The following USP22 variants were observed in gnomAD, a reference collection of about 807,000 sequenced individuals.
USP22 encodes the protein ubiquitin specific peptidase 22.
In USP22, 22 loss-of-function variants were observed where a neutral mutation model predicts 68.1. That is an observed-to-expected ratio of 0.32 (90% CI 0.23 to 0.46). The LOEUF (loss-of-function observed/expected upper bound fraction) is 0.46, where lower values mean the gene tolerates loss of function less well. Ranked by LOEUF, USP22 falls within the 20% of genes least tolerant of loss-of-function variation. The pLI, the probability that USP22 is intolerant of heterozygous loss-of-function variation, is 1.00. For missense variants in USP22, 433 were observed against 695.8 expected, an observed-to-expected ratio of 0.62 and a Z score of 4.25; for synonymous variants, 279 against 274.2, an observed-to-expected ratio of 1.02 and a Z score of -0.17.
chr17:21,038,106 A>T, intron 1 of USP22, among the ~76,000 whole-genome samples: 1 of 152,248 alleles, frequency 6.6e-6, no homozygotes, highest in Non-Finnish European at 1.5e-5. Context: ...CCTCAAAGAA[A>T]CAAAGTTTTA....
intron 9 of USP22, among the ~76,000 whole-genome samples, chr17:21,007,501 GAA>G (rs1913816145): frequency 6.6e-6 from 1 of 152,178 alleles, no homozygotes; most frequent in African/African-American, 2.4e-5. Flanking sequence ...GGCCTTTAGA[GAA>G]AGAGCTTGCC....
At chr17:21,042,568 G>T in intron 1 of USP22, 97 bp downstream of exon 1, 1 of 1,186,832 alleles carries the variant, frequency 8.4e-7, no homozygotes, top group Non-Finnish European at 1.1e-6. Context: ...AAGGCAACGG[G>T]GGAAGGGAAG....
chr17:21,002,014 C>G lies in USP22; in HGVS notation c.*1017G>C, dbSNP rs1020865023. Reference sequence around the variant, plus strand: ...GCCACTCCAGCTTCGCGACCAACACCCTTGGCTGCCAGGCAGCGGTAGCCA... The same window carrying G: ...GCCACTCCAGCTTCGCGACCAACACGCTTGGCTGCCAGGCAGCGGTAGCCA... On this transcript the variant is annotated 3_prime_UTR_variant, in exon 13 of 13. Transcript: ENST00000261497. 6.6e-6 allele frequency: 1 copy of G among 152,278 alleles called. No homozygotes were observed. Among genetic ancestry groups the G allele is most frequent in the African/African-American group, 2.4e-5 (1 of 41,456 alleles). The allele number at this position is 152,278 out of a possible 1,614,324, so 9.4% of individuals were successfully genotyped here.
chr17:21,036,353 T>G (rs919044124), intron 1 of USP22, among the ~76,000 whole-genome samples: 2 of 152,020 alleles, frequency 1.3e-5, no homozygotes, highest in African/African-American at 4.8e-5. Flanking sequence ...AAATAACTGA[T>G]GAGGCCCTAT....
chr17:21,039,740 A>G (rs1301835996), intron 1 of USP22, among the ~76,000 whole-genome samples: 1 of 152,200 alleles, frequency 6.6e-6, no homozygotes, highest in African/African-American at 2.4e-5. Context: ...TCAGGGATTC[A>G]TTTCTTTAAA....
intron 12 of USP22, 89 bp downstream of exon 12, chr17:21,004,113 C>G: frequency 6.5e-7 from 1 of 1,536,984 alleles, no homozygotes; most frequent in Non-Finnish European, 8.8e-7. Flanking sequence ...TCGAGTGGTT[C>G]TAGGCTCAGA....
chr17:21,011,612 G>C (rs1313396419), intron 7 of USP22: 2 of 348,380 alleles, frequency 5.7e-6, no homozygotes, highest in African/African-American at 4.3e-5. Context: ...TAAACTCATG[G>C]GCCCTGTCAG....
At chr17:21,019,700 TATTCC>T (rs1470265383) in intron 3 of USP22, among the ~76,000 whole-genome samples, 2 of 152,248 alleles carry the variant, frequency 1.3e-5, no homozygotes, top group African/African-American at 4.8e-5. Context: ...ATTGGCATAG[TATTCC>T]ATTCAACGCA....
chr17:21,021,003 A>T, intron 3 of USP22, 110 bp downstream of exon 3: 1 of 839,106 alleles, frequency 1.2e-6, no homozygotes, highest in Non-Finnish European at 2.0e-6. Flanking sequence ...GCCTCTTCCC[A>T]CCAGCCTGCC....
intron 5 of USP22, among the ~76,000 whole-genome samples, chr17:21,016,283 G>A (rs1567793338): frequency 6.6e-6 from 1 of 152,214 alleles, no homozygotes; most frequent in Non-Finnish European, 1.5e-5. Flanking sequence ...ACATCACTGT[G>A]ATTATGCAGA....
chr17:21,042,357 A>AAGGAGGAGGAGGGGACAGAG (rs1972446801), intron 1 of USP22: 1 of 143,526 alleles, frequency 7.0e-6, no homozygotes, highest in African/African-American at 4.5e-5. Flanking sequence ...GGCGGAGAGA[A>AAGGAGGAGGAGGGGACAGAG]AGGAGGGGGA....
chr17:21,030,368 T>TTG (rs3047596), intron 1 of USP22, among the ~76,000 whole-genome samples: 3,756 of 150,856 alleles, frequency 0.025, 103 homozygotes, highest in African/African-American at 0.056. Context: ...CTCAGGCCGC[T>TTG]TGTGTGTGTG....
chr17:21,001,042 C>CAAAAAAAAAA lies in USP22; in HGVS notation c.*1979_*1988dup, dbSNP rs776556311. ...CCAGCCTGGGCAACAAACTCCATCTCAAAAAAAAAAAAAAAAAGACTGCAC... is the reference window on the plus strand; with the variant it reads ...CCAGCCTGGGCAACAAACTCCATCTCAAAAAAAAAAAAAAAAAAAAAAAAAAAGACTGCAC... On this transcript the variant is annotated 3_prime_UTR_variant, in exon 13 of 13. Transcript: ENST00000261497. 1 of 108,872 alleles carries CAAAAAAAAAA rather than the reference C, an allele frequency of 9.2e-6. No homozygotes were observed. Among genetic ancestry groups the CAAAAAAAAAA allele is most frequent in the Non-Finnish European group, 1.8e-5 (1 of 55,916 alleles). 6.7% of individuals were successfully genotyped at this position (108,872 alleles called of 1,614,324 possible).
Position 21,001,832 on chromosome 17 carries a change from T to G in USP22, c.*1199A>C, listed in dbSNP as rs1426390331. ...GTTTGAATTTGAATACACAGATACATGCAAGATATCTTACAAGAAACAATG... is the reference window on the plus strand; with the variant it reads ...GTTTGAATTTGAATACACAGATACAGGCAAGATATCTTACAAGAAACAATG... On this transcript the variant is annotated 3_prime_UTR_variant, in exon 13 of 13. Coordinates refer to ENST00000261497, the MANE Select transcript of USP22 (RefSeq NM_015276.2). 2.6e-5 allele frequency: 4 copies of G among 152,264 alleles called. No homozygotes were observed. The highest frequency in any genetic ancestry group is 4.4e-5 in the Non-Finnish European group (3 of 68,040). The allele number at this position is 152,264 out of a possible 1,614,324, so 9.4% of individuals were successfully genotyped here. A position where few individuals can be genotyped will look rare whatever the true frequency, so the allele number is the denominator to read the frequency against.
intron 1 of USP22, among the ~76,000 whole-genome samples, chr17:21,034,219 C>G (rs1379279763): frequency 6.6e-6 from 1 of 152,122 alleles, no homozygotes; most frequent in Non-Finnish European, 1.5e-5. Context: ...ACAGCGACTC[C>G]AGACCTTTCA....
chr17:21,004,152 G>T, intron 12 of USP22, 50 bp downstream of exon 12: 1 of 1,598,536 alleles, frequency 6.3e-7, no homozygotes, highest in Non-Finnish European at 8.5e-7. Context: ...ATACCGGAGG[G>T]GAAGCACCGT....
Position 20,999,962 on chromosome 17 carries a change from CCA to C in USP22, c.*3067_*3068del, listed in dbSNP as rs1913504293. 2.0e-5 allele frequency: 3 copies of C among 152,340 alleles called. No individual in the cohort carries two copies. The South Asian group carries it at 6.2e-4, about 32-fold the overall frequency. 9.4% of individuals were successfully genotyped at this position (152,340 alleles called of 1,614,324 possible). A position where few individuals can be genotyped will look rare whatever the true frequency, so the allele number is the denominator to read the frequency against. ...CCAGGTCCACGGAGGGAGCCAAGGT[CCA>C]CAGAGGGCCCCGGGGCCAGAGGGAG... On this transcript the variant is annotated 3_prime_UTR_variant, in exon 13 of 13. Coordinates refer to ENST00000261497, the MANE Select transcript of USP22 (RefSeq NM_015276.2).
chr17:21,008,101 A>G, intron 8 of USP22, 105 bp from the exon 9 acceptor site: 1 of 1,341,210 alleles, frequency 7.5e-7, no homozygotes, highest in East Asian at 2.5e-5. Context: ...TTTCCCTACC[A>G]AAAACATACA....
intron 1 of USP22, among the ~76,000 whole-genome samples, chr17:21,031,436 A>G (rs1445792124): frequency 6.6e-6 from 1 of 152,256 alleles, no homozygotes; most frequent in Non-Finnish European, 1.5e-5. Context: ...TACACACTCC[A>G]TTATAGTCTA....
Sources: gnomAD v4.1 joint callset for allele counts (sites outside exome capture counted in the v4.1 genomes callset) on GRCh38, gnomAD v4.1.1 for gene constraint, MANE v1.5 for transcripts, NCBI Gene and HGNC (gene_info 2026-07-23, HGNC 2026-07-21) for gene names.